The following ARHGEF4 variants were observed in gnomAD, a reference collection of about 807,000 sequenced individuals.
ARHGEF4 encodes the protein APC-stimulated guanine nucleotide exchange factor 1.
ARHGEF4 carries 119 observed loss-of-function variants against 162.0 expected under a neutral mutation model. The observed-to-expected ratio is 0.73, with a 90% CI of 0.63 to 0.86. The LOEUF (loss-of-function observed/expected upper bound fraction) is 0.86. Ranked by LOEUF, ARHGEF4 falls within the 40% of genes least tolerant of loss-of-function variation. The pLI is 0.00. For missense variants in ARHGEF4, 2,488 were observed against 2,456.0 expected, an observed-to-expected ratio of 1.01 and a Z score of -0.28; for synonymous variants, 1,014 against 979.9, an observed-to-expected ratio of 1.03 and a Z score of -0.65.
At chr2:130,989,057 G>A (rs1276168225) in intron 4 of ARHGEF4, among the ~76,000 whole-genome samples, 2 of 152,044 alleles carry the variant, frequency 1.3e-5, no homozygotes, top group Non-Finnish European at 2.9e-5. Flanking sequence ...CACCTCCTGG[G>A]TTCAAGTGAT....
rs901073406 is a variant in ARHGEF4 at position 131,011,610 on chromosome 2, G to A, written c.3986-16335G>A. On this transcript the variant is annotated intron_variant, in intron 4 of 13. Coordinates refer to ENST00000409359, the MANE Select transcript of ARHGEF4 (RefSeq NM_001367493.1). ...CATGCTATTAATCCCCCCATTGGTC[G>A]TTCCTGGTAGCTTCTCTCAAAACTG... The A allele has an allele frequency of 2.2e-4, 331 of 1,527,476 alleles. 1 individual carries two copies. The highest frequency in any genetic ancestry group is 8.6e-4 in the South Asian group (71 of 83,030). The allele number at this position is 1,527,476 out of a possible 1,614,324, so 94.6% of individuals were successfully genotyped here. A position where few individuals can be genotyped will look rare whatever the true frequency, so the allele number is the denominator to read the frequency against.
At chr2:130,852,751 G>A (rs1453719501) in intron 1 of ARHGEF4, among the ~76,000 whole-genome samples, 4 of 152,212 alleles carry the variant, frequency 2.6e-5, no homozygotes, top group Admixed American at 6.5e-5. Context: ...TGCGGGCGGT[G>A]GAGAGCTGCA....
At chr2:130,930,832 T>C (rs993201123) in intron 2 of ARHGEF4, 120 bp from the exon 3 acceptor site, 7 of 951,870 alleles carry the variant, frequency 7.4e-6, no homozygotes, top group Middle Eastern at 6.9e-4. Context: ...CTCTGTACTT[T>C]GAAAATTAAC....
chr2:131,013,514 T>A lies in ARHGEF4; in HGVS notation c.3986-14431T>A, dbSNP rs555076243. Among the ~76,000 whole-genome samples, 32 of 152,342 alleles carry A rather than the reference T, an allele frequency of 2.1e-4. 1 individual carries two copies. The South Asian group carries it at 6.6e-3, about 32-fold the overall frequency. ...CGTTAGAGTTTCTCATGCATGATTG[T>A]CCTGATCCATTTCCCTTAAGTGGCT... On this transcript the variant is annotated intron_variant, in intron 4 of 13. Transcript: ENST00000409359.
At position 131,038,905 on chromosome 2, in the gene ARHGEF4, C is replaced by A. The variant is rs1413644994; in HGVS notation, c.4178C>A (p.Thr1393Asn). The A allele has an allele frequency of 1.9e-6, 3 of 1,613,526 alleles. No individual in the cohort carries two copies. The African/African-American group carries it at 4.0e-5, about 22-fold the overall frequency. Residue 1393 changes from threonine to asparagine, a missense_variant, in exon 6 of 14, where the codon ACC (threonine) becomes AAC (asparagine). Thr to Asn is a moderately conservative substitution (Grantham distance 65). Transcript: ENST00000409359. ...GCTGAAGCACTCTGGGACCATGTCACCATGGACGACCAGGAGCTGGGCTTC... is the reference window on the plus strand; with the variant it reads ...GCTGAAGCACTCTGGGACCATGTCAACATGGACGACCAGGAGCTGGGCTTC... Reference protein sequence around the residue: ...VCAEALWDHVTMDDQELGFKA... With the variant: ...VCAEALWDHVNMDDQELGFKA...
At chr2:130,900,660 G>T (rs1459043624) in intron 1 of ARHGEF4, among the ~76,000 whole-genome samples, 1 of 152,104 alleles carries the variant, frequency 6.6e-6, no homozygotes, top group African/African-American at 2.4e-5. Context: ...TTGTTGGGTT[G>T]TTCTGTCTGG....
At chr2:130,979,872 A>G (rs983708295) in intron 4 of ARHGEF4, among the ~76,000 whole-genome samples, 2 of 152,138 alleles carry the variant, frequency 1.3e-5, no homozygotes, top group Non-Finnish European at 2.9e-5. Flanking sequence ...AGCGAAAATT[A>G]TAATATAAAA....
chr2:130,873,302 A>G (rs1478221483), intron 1 of ARHGEF4, among the ~76,000 whole-genome samples: 2 of 152,190 alleles, frequency 1.3e-5, no homozygotes, highest in African/African-American at 2.4e-5. Flanking sequence ...ATGAAGGAAG[A>G]AAATAGGCCG....
chr2:130,842,499 C>G (rs78882055), intron 1 of ARHGEF4, among the ~76,000 whole-genome samples: 2 of 152,168 alleles, frequency 1.3e-5, no homozygotes, highest in Non-Finnish European at 2.9e-5. Flanking sequence ...TCACTTTAAG[C>G]TGTACAGGGC....
rs1446868923 is a variant in ARHGEF4 at position 130,915,737 on chromosome 2, C to T, written c.1791C>T (p.Cys597=). 2.6e-6 allele frequency: 4 copies of T among 1,546,706 alleles called. No individual in the cohort carries two copies. Among genetic ancestry groups the T allele is most frequent in the African/African-American group, 1.4e-5 (1 of 72,878 alleles). Residue 597 remains cysteine (C), a synonymous_variant, in exon 2 of 14, where the codon TGC becomes TGT. Transcript: ENST00000409359. ...SEFKAATVSH[C]GPGAEEGEQG... ...TCAAGGCAGCCACGGTGTCTCACTG[C>T]GGCCCCGGGGCTGAGGAGGGTGAAC...
intron 4 of ARHGEF4, among the ~76,000 whole-genome samples, chr2:131,001,302 C>CAAAAAAAAAAA (rs70994730): frequency 6.4e-5 from 2 of 31,160 alleles, no homozygotes; most frequent in Non-Finnish European, 1.3e-4. Flanking sequence ...GACTGTGTCT[C>CAAAAAAAAAAA]AAAAAAAAAA....
intron 1 of ARHGEF4, among the ~76,000 whole-genome samples, chr2:130,839,622 C>T (rs1469913872): frequency 2.0e-5 from 3 of 152,156 alleles, no homozygotes; most frequent in Non-Finnish European, 4.4e-5. Context: ...TGCCAGGGGC[C>T]CACACAGGTG....
intron 3 of ARHGEF4, among the ~76,000 whole-genome samples, chr2:130,937,737 G>T (rs762456464): frequency 6.7e-6 from 1 of 149,832 alleles, no homozygotes; most frequent in East Asian, 2.0e-4. Context: ...GTGCGATCTC[G>T]GCTCACTGCA....
At chr2:130,969,180 A>T (rs980199461) in intron 4 of ARHGEF4, among the ~76,000 whole-genome samples, 13 of 152,238 alleles carry the variant, frequency 8.5e-5, no homozygotes, top group African/African-American at 2.9e-4. Flanking sequence ...AGCTGATTTT[A>T]TAATAAAGTG....
intron 4 of ARHGEF4, among the ~76,000 whole-genome samples, chr2:130,969,602 A>C (rs1573480974): frequency 6.6e-6 from 1 of 152,166 alleles, no homozygotes; most frequent in African/African-American, 2.4e-5. Context: ...CCGTCTCAAA[A>C]AAAAAAAAAT....
intron 5 of ARHGEF4, 38 bp from the exon 6 acceptor site, chr2:131,038,815 T>C (rs758674169): frequency 1.1e-5 from 17 of 1,569,010 alleles, no homozygotes; most frequent in Middle Eastern, 3.8e-4. Flanking sequence ...CCAGGCAGCC[T>C]CCCCCACTGA....
intron 1 of ARHGEF4, among the ~76,000 whole-genome samples, chr2:130,873,520 C>CAG (rs3072355): frequency 0.32 from 48,088 of 149,644 alleles, 10,016 homozygotes; most frequent in African/African-American, 0.58. Context: ...ACCTGGGAAG[C>CAG]AGGTTGCAGT....
At chr2:130,877,520 C>T (rs1360458878) in intron 1 of ARHGEF4, among the ~76,000 whole-genome samples, 1 of 152,156 alleles carries the variant, frequency 6.6e-6, no homozygotes, top group Non-Finnish European at 1.5e-5. Context: ...TGGTGGTGCA[C>T]ATGCCTCTAG....
intron 4 of ARHGEF4, among the ~76,000 whole-genome samples, chr2:131,023,255 A>G (rs372469323): frequency 1.3e-5 from 2 of 151,712 alleles, no homozygotes; most frequent in East Asian, 3.9e-4. Flanking sequence ...ATAGCGAGAC[A>G]CCATCTCTAC....
Sources: allele counts gnomAD v4.1 joint callset (sites outside exome capture counted in the v4.1 genomes callset), GRCh38; gene constraint gnomAD v4.1.1; transcripts MANE v1.5; gene names NCBI Gene and HGNC (gene_info 2026-07-23, HGNC 2026-07-21).